BRSK2: variants seen among roughly 807,000 people sequenced by gnomAD.
BRSK2 encodes the protein BR serine/threonine kinase 2.
BRSK2 carries 19 observed loss-of-function variants against 83.3 expected under a neutral mutation model. The observed-to-expected ratio is 0.23, with a 90% confidence interval of 0.16 to 0.33. BRSK2 has a LOEUF of 0.33. Ranked by LOEUF, BRSK2 falls within the 10% of genes least tolerant of loss-of-function variation. The pLI, the probability that BRSK2 is intolerant of heterozygous loss-of-function variation, is 1.00. For missense variants in BRSK2, 798 were observed against 1,042.3 expected, an observed-to-expected ratio of 0.77 and a Z score of 3.23; for synonymous variants, 519 against 435.4, an observed-to-expected ratio of 1.19 and a Z score of -2.39.
At chr11:1,447,408 C>T (rs955515982) in intron 12 of BRSK2, among the ~76,000 whole-genome samples, 2 of 152,154 alleles carry the variant, frequency 1.3e-5, no homozygotes, top group African/African-American at 4.8e-5. Flanking sequence ...GGCCTGGCTG[C>T]CTGGGGCAGG....
At chr11:1,444,308 G>A (rs1851732810) in intron 8 of BRSK2, among the ~76,000 whole-genome samples, 1 of 152,136 alleles carries the variant, frequency 6.6e-6, no homozygotes, top group Non-Finnish European at 1.5e-5. Context: ...GGGCTGCCTG[G>A]TGTGGGGACC....
chr11:1,443,430 C>T (rs1792739064), intron 7 of BRSK2, 27 bp downstream of exon 7: 2 of 1,586,176 alleles, frequency 1.3e-6, no homozygotes, highest in African/African-American at 1.3e-5. Flanking sequence ...CTCAACCCTG[C>T]CCTGGCCTCT....
At position 1,438,425 on chromosome 11, in the gene BRSK2, C is replaced by T. The variant is rs775143131; in HGVS notation, c.272+34C>T. On this transcript the variant is annotated intron_variant, in intron 3 of 19. Transcript: ENST00000528841. This position sits in a 1 kb window ranked among gnomAD's most constrained non-coding sequence, Gnocchi z 6.4. Reference sequence around the variant, plus strand: ...TGCTGGGTCTGAAGAGCTGGGGTGGCGGAGGTGGCAGCTGTCGCTGCAGGG... The same window carrying T: ...TGCTGGGTCTGAAGAGCTGGGGTGGTGGAGGTGGCAGCTGTCGCTGCAGGG... The T allele has an allele frequency of 2.1e-5, 33 of 1,595,002 alleles. No homozygotes were observed. In the Admixed American group the frequency reaches 3.0e-4, roughly 15 times the overall value.
rs759808900 is a variant in BRSK2, at chr11:1,438,418, G to C, written c.272+27G>C. 1 of 1,607,850 alleles carries C rather than the reference G, an allele frequency of 6.2e-7. No homozygotes were observed. Among genetic ancestry groups the C allele is most frequent in the Non-Finnish European group, 8.5e-7 (1 of 1,174,752 alleles). ...TAGGTATTGCTGGGTCTGAAGAGCTGGGGTGGCGGAGGTGGCAGCTGTCGC... is the reference window on the plus strand; with the variant it reads ...TAGGTATTGCTGGGTCTGAAGAGCTCGGGTGGCGGAGGTGGCAGCTGTCGC... On this transcript the variant is annotated intron_variant, in intron 3 of 19. Transcript: ENST00000528841. The surrounding 1 kb of genome is among the most constrained non-coding windows in gnomAD (Gnocchi z 6.4).
chr11:1,428,988 G>C (rs192452680), intron 1 of BRSK2, among the ~76,000 whole-genome samples: 2 of 150,816 alleles, frequency 1.3e-5, no homozygotes, highest in Admixed American at 6.6e-5. Flanking sequence ...GTGTGCACTG[G>C]GTGTGTCCTG....
chr11:1,435,099 C>G (rs1415885663), intron 1 of BRSK2, among the ~76,000 whole-genome samples: 1 of 151,336 alleles, frequency 6.6e-6, no homozygotes, highest in African/African-American at 2.4e-5. Flanking sequence ...GAAGGGGCTG[C>G]CGGGCCGTGG....
chr11:1,450,884 C>A (rs1396639460), intron 14 of BRSK2, 90 bp downstream of exon 14: 10 of 1,272,822 alleles, frequency 7.9e-6, no homozygotes, highest in South Asian at 1.5e-5. Flanking sequence ...CCAGACCAGT[C>A]CGAGGGGCCT....
At chr11:1,433,292 G>C (rs1433688456) in intron 1 of BRSK2, among the ~76,000 whole-genome samples, 1 of 152,234 alleles carries the variant, frequency 6.6e-6, no homozygotes, top group East Asian at 1.9e-4. Context: ...GGTGCCCTTG[G>C]GGGCTTTGAC....
At chr11:1,429,489 G>C (rs1398968642) in intron 1 of BRSK2, among the ~76,000 whole-genome samples, 2 of 152,212 alleles carry the variant, frequency 1.3e-5, no homozygotes, top group African/African-American at 2.4e-5. Flanking sequence ...TGCTGTCCCT[G>C]CCCAGGGCCC....
intron 18 of BRSK2, among the ~76,000 whole-genome samples, chr11:1,457,442 G>A (rs1846737694): frequency 1.6e-5 from 2 of 125,790 alleles, no homozygotes; most frequent in African/African-American, 6.5e-5. Context: ...GAACCACCAG[G>A]GTCTAGGACC....
chr11:1,408,834 T>TGGG (rs1326857052), intron 1 of BRSK2, among the ~76,000 whole-genome samples: 4 of 151,208 alleles, frequency 2.6e-5, no homozygotes, highest in African/African-American at 9.8e-5. Context: ...TGTGTGTGTG[T>TGGG]GGCTGTGCTG....
intron 1 of BRSK2, among the ~76,000 whole-genome samples, chr11:1,407,480 G>A (rs957317491): frequency 6.6e-6 from 1 of 152,034 alleles, no homozygotes; most frequent in African/African-American, 2.4e-5. Flanking sequence ...TGTTCCTGCC[G>A]CCTGCCCTGC....
At position 1,445,473 on chromosome 11, in the gene BRSK2, G is replaced by A. The variant is rs768761708; in HGVS notation, c.977+15G>A. ...CTGTCCGAGGAGTGCGTCTGGGGCTGCTCCCGGGTGGGGCACGGGGCCTGA... is the reference window on the plus strand; with the variant it reads ...CTGTCCGAGGAGTGCGTCTGGGGCTACTCCCGGGTGGGGCACGGGGCCTGA... On this transcript the variant is annotated intron_variant, in intron 10 of 19. Coordinates refer to ENST00000528841, the MANE Select transcript of BRSK2 (RefSeq NM_001256627.2). 5 of 1,611,040 alleles carry A rather than the reference G, an allele frequency of 3.1e-6. No individual in the cohort carries two copies. Among genetic ancestry groups the A allele is most frequent in the Non-Finnish European group, 8.5e-7 (1 of 1,179,378 alleles).
At chr11:1,405,507 A>T (rs893386906) in intron 1 of BRSK2, among the ~76,000 whole-genome samples, 1 of 151,910 alleles carries the variant, frequency 6.6e-6, no homozygotes, top group Non-Finnish European at 1.5e-5. Flanking sequence ...TGCAGCCAGC[A>T]CCCCACAGTT....
chr11:1,452,851 C>T (rs11603670), intron 15 of BRSK2, among the ~76,000 whole-genome samples: 66,357 of 152,134 alleles, frequency 0.44, 15,980 homozygotes, highest in Non-Finnish European at 0.55. Flanking sequence ...CCCTCTTTGG[C>T]GACAACTCGC....
chr11:1,456,840 C>A (rs1846622928), intron 18 of BRSK2, 153 bp downstream of exon 18: 4 of 1,351,586 alleles, frequency 3.0e-6, no homozygotes, highest in Admixed American at 2.0e-5. Context: ...GTGGCTGCAC[C>A]CCTCAGGGAG....
intron 8 of BRSK2, 77 bp downstream of exon 8, chr11:1,443,712 AGGTG>A: frequency 7.3e-7 from 1 of 1,369,644 alleles, no homozygotes; most frequent in Non-Finnish European, 9.6e-7. Context: ...GTGTGTGCAC[AGGTG>A]TGTGCCCAGA....
intron 16 of BRSK2, among the ~76,000 whole-genome samples, chr11:1,455,851 G>A (rs12575836): frequency 0.4 from 60,619 of 151,616 alleles, 12,740 homozygotes; most frequent in African/African-American, 0.51. Flanking sequence ...TCGGTACTGT[G>A]AAGCCCACCC....
At chr11:1,393,944 G>GC (rs1564788564) in intron 1 of BRSK2, among the ~76,000 whole-genome samples, 286 of 126,522 alleles carry the variant, frequency 2.3e-3, no homozygotes, top group South Asian at 4.5e-3. Flanking sequence ...CTGGAGATGG[G>GC]TCCTGGAGAT....
Sources: gnomAD v4.1 joint callset for allele counts (sites outside exome capture counted in the v4.1 genomes callset) on GRCh38, gnomAD v4.1.1 for gene constraint, Gnocchi (gnomAD v3.1) non-coding constraint, MANE v1.5 for transcripts, NCBI Gene and HGNC (gene_info 2026-07-23, HGNC 2026-07-21) for gene names.